Variants in ICA1 observed in about 807,000 individuals in gnomAD.
ICA1 encodes 69 kDa islet cell autoantigen.
In ICA1, 40 loss-of-function variants were observed where a neutral mutation model predicts 71.0. That is an observed-to-expected ratio of 0.56 (90% CI 0.44 to 0.73). The LOEUF is 0.73. Ranked by LOEUF, ICA1 falls within the 30% of genes least tolerant of loss-of-function variation. The pLI, the probability that ICA1 is intolerant of heterozygous loss-of-function variation, is 0.00. For synonymous variants in ICA1, 207 were observed against 209.5 expected, an observed-to-expected ratio of 0.99 and a Z score of 0.10; for missense variants, 578 against 576.5, an observed-to-expected ratio of 1.00 and a Z score of -0.03.
intron 6 of ICA1, among the ~76,000 whole-genome samples, chr7:8,161,290 A>G (rs1292042114): frequency 6.6e-6 from 1 of 152,202 alleles, no homozygotes; most frequent in Non-Finnish European, 1.5e-5. Flanking sequence ...ACTATATTAT[A>G]ATAGAATGGG....
At chr7:8,238,436 G>C (rs571514390) in intron 1 of ICA1, among the ~76,000 whole-genome samples, 5 of 152,116 alleles carry the variant, frequency 3.3e-5, no homozygotes, top group African/African-American at 1.2e-4. Flanking sequence ...ATTTTCTTTG[G>C]AGAAATGTCT....
rs1474889639 is a variant in ICA1 at position 8,123,418 on chromosome 7, T to G, written c.1330+4455A>C. 1.3e-5 allele frequency among the ~76,000 whole-genome samples: 2 copies of G among 150,176 alleles called. No homozygotes were observed. The highest frequency in any genetic ancestry group is 2.5e-5 in the African/African-American group (1 of 40,666). On this transcript the variant is annotated intron_variant, in intron 13 of 13. Transcript: ENST00000402384. This position sits in a 1 kb window ranked among gnomAD's most constrained non-coding sequence, Gnocchi z 4.1. ...GGGAAATGTGGATTGTGAGAGGGGG[T>G]GAGGGAGCTGGGGACGCGGCCCAGA...
intron 6 of ICA1, among the ~76,000 whole-genome samples, chr7:8,198,312 A>G (rs1257981547): frequency 6.6e-6 from 1 of 152,238 alleles, no homozygotes; most frequent in Non-Finnish European, 1.5e-5. Context: ...AGCAGAGGAG[A>G]CAATATGAGC....
intron 1 of ICA1, among the ~76,000 whole-genome samples, chr7:8,250,600 G>A (rs1215852733): frequency 2.0e-5 from 3 of 152,192 alleles, no homozygotes; most frequent in Non-Finnish European, 2.9e-5. Flanking sequence ...AGTGAGCTCT[G>A]ATCCCCTCAC....
intron 6 of ICA1, among the ~76,000 whole-genome samples, chr7:8,197,701 G>A (rs965587734): frequency 2.0e-5 from 3 of 151,690 alleles, no homozygotes; most frequent in East Asian, 3.9e-4. Flanking sequence ...CTCTAAGGGG[G>A]CACAAACGAG....
At chr7:8,141,842 C>A in intron 9 of ICA1, 25 bp from the exon 10 acceptor site, 1 of 1,495,398 alleles carries the variant, frequency 6.7e-7, no homozygotes, top group South Asian at 1.2e-5. Context: ...GAGGTTTAGT[C>A]ATCAACTTCT....
chr7:8,163,532 C>A (rs181566259), intron 6 of ICA1, among the ~76,000 whole-genome samples: 1 of 152,122 alleles, frequency 6.6e-6, no homozygotes. Flanking sequence ...TTCAGATCAG[C>A]GAAGGTGTAA....
intron 6 of ICA1, among the ~76,000 whole-genome samples, chr7:8,182,448 A>G (rs1200578479): frequency 1.3e-5 from 2 of 152,216 alleles, no homozygotes; most frequent in Non-Finnish European, 1.5e-5. Flanking sequence ...AGGAATGACT[A>G]TGAAAGTTGG....
intron 6 of ICA1, among the ~76,000 whole-genome samples, chr7:8,198,520 G>A (rs1036391064): frequency 2.0e-5 from 3 of 152,140 alleles, no homozygotes; most frequent in African/African-American, 7.2e-5. Context: ...TTGGATTTGG[G>A]TTTCATTTCA....
Position 8,218,255 on chromosome 7 carries a change from A to T in ICA1, c.579+50T>A, listed in dbSNP as rs749137780. On this transcript the variant is annotated intron_variant, in intron 6 of 13. Coordinates refer to ENST00000402384, the MANE Select transcript of ICA1 (RefSeq NM_001136020.3). ...ACCAGAGGGATTCAAATCACACCTC[A>T]TTACCTTCCAGCAGGTACCCCTTCT... is the stretch of plus-strand genomic sequence containing the variant. The T allele has an allele frequency of 6.6e-6, 10 of 1,513,698 alleles. No homozygotes were observed. The East Asian group carries it at 2.0e-4, about 31-fold the overall frequency. The allele number at this position is 1,513,698 out of a possible 1,614,324, so 93.8% of individuals were successfully genotyped here. A position where few individuals can be genotyped will look rare whatever the true frequency, so the allele number is the denominator to read the frequency against.
At chr7:8,150,850 T>C (rs1798548636) in intron 8 of ICA1, among the ~76,000 whole-genome samples, 1 of 152,256 alleles carries the variant, frequency 6.6e-6, no homozygotes, top group Non-Finnish European at 1.5e-5. Context: ...TCCTGCCCCA[T>C]GTCCAGAAGT....
chr7:8,119,366 G>C (rs1038575052), intron 13 of ICA1, among the ~76,000 whole-genome samples: 1 of 152,152 alleles, frequency 6.6e-6, no homozygotes, highest in African/African-American at 2.4e-5. Flanking sequence ...CTCAGCTGCA[G>C]AGAACACTGG....
At chr7:8,215,693 T>C (rs1795188089) in intron 6 of ICA1, among the ~76,000 whole-genome samples, 1 of 152,216 alleles carries the variant, frequency 6.6e-6, no homozygotes, top group African/African-American at 2.4e-5. Context: ...CCATGAGGTA[T>C]GAATTAGAAT....
chr7:8,227,433 G>A (rs1364175237), intron 4 of ICA1, among the ~76,000 whole-genome samples: 4 of 152,100 alleles, frequency 2.6e-5, no homozygotes, highest in East Asian at 1.9e-4. Flanking sequence ...CTGAATGTGG[G>A]GAAGATAAAT....
chr7:8,174,701 G>C (rs959073512), intron 6 of ICA1, among the ~76,000 whole-genome samples: 3 of 145,108 alleles, frequency 2.1e-5, no homozygotes, highest in Non-Finnish European at 4.5e-5. Context: ...AGGCTGAGGC[G>C]GGAGGATCAC....
chr7:8,129,492 A>T (rs1224518233), intron 12 of ICA1, among the ~76,000 whole-genome samples: 6 of 152,146 alleles, frequency 3.9e-5, no homozygotes, highest in Non-Finnish European at 8.8e-5. Context: ...GCTATAAATC[A>T]GGGAGGGGAA....
At chr7:8,145,882 C>T (rs1052469370) in intron 8 of ICA1, among the ~76,000 whole-genome samples, 1 of 151,696 alleles carries the variant, frequency 6.6e-6, no homozygotes, top group African/African-American at 2.4e-5. Flanking sequence ...ACGTTATATA[C>T]CTTAAGCAGT....
In ICA1 at chr7:8,132,032, T is replaced by C. The variant is rs1021963563; in HGVS notation, c.1061-3890A>G. Among the ~76,000 whole-genome samples the C allele has an allele frequency of 2.6e-5, 4 of 152,186 alleles. No homozygotes were observed. The highest frequency in any genetic ancestry group is 9.7e-5 in the African/African-American group (4 of 41,430). On this transcript the variant is annotated intron_variant, in intron 12 of 13. Coordinates refer to ENST00000402384, the MANE Select transcript of ICA1 (RefSeq NM_001136020.3). This position sits in a 1 kb window ranked among gnomAD's most constrained non-coding sequence, Gnocchi z 4.5. The stretch of plus-strand genomic sequence containing the variant: ...TCTCAGGTGCCAAACCCACAGATGC[T>C]ACACCAAGTTCCCTTCACTCTCTTG...
intron 8 of ICA1, among the ~76,000 whole-genome samples, chr7:8,146,535 T>C (rs1023131555): frequency 6.6e-6 from 1 of 152,078 alleles, no homozygotes; most frequent in African/African-American, 2.4e-5. Context: ...CATCTTTTGC[T>C]CTGTCTCCCT....
Sources: allele counts gnomAD v4.1 joint callset (sites outside exome capture counted in the v4.1 genomes callset), GRCh38; gene constraint gnomAD v4.1.1; non-coding constraint Gnocchi (gnomAD v3.1); transcripts MANE v1.5; gene names NCBI Gene and HGNC (gene_info 2026-07-23, HGNC 2026-07-21).